The following BMERB1 variants were observed in gnomAD, a reference collection of about 807,000 sequenced individuals.
The protein encoded by BMERB1 is bMERB domain containing 1, also known as bMERB domain-containing protein 1.
A neutral mutation model predicts 23.6 loss-of-function variants in BMERB1; 12 were observed. That is an observed-to-expected ratio of 0.51 (90% CI 0.33 to 0.82). The LOEUF is 0.82. Ranked by LOEUF, BMERB1 falls within the 40% of genes least tolerant of loss-of-function variation. The probability of loss-of-function intolerance (pLI) is 0.03; values close to 1 mark genes in which losing one functional copy is unlikely to be tolerated. For synonymous variants in BMERB1, 122 were observed against 96.6 expected, an observed-to-expected ratio of 1.26 and a Z score of -1.54; for missense variants, 247 against 255.4, an observed-to-expected ratio of 0.97 and a Z score of 0.22.
intron 1 of BMERB1, among the ~76,000 whole-genome samples, chr16:15,475,205 C>G (rs555263817): frequency 1.8e-4 from 27 of 152,260 alleles, no homozygotes; most frequent in Non-Finnish European, 5.9e-5. Flanking sequence ...TGAGTTGACT[C>G]GTACCACTTT....
intron 5 of BMERB1, among the ~76,000 whole-genome samples, chr16:15,586,196 A>G (rs2031134786): frequency 6.6e-6 from 1 of 152,302 alleles, no homozygotes; most frequent in Non-Finnish European, 1.5e-5. Flanking sequence ...AAAAGAGATG[A>G]GAAATATGAA....
intron 2 of BMERB1, among the ~76,000 whole-genome samples, chr16:15,534,302 A>AGG (rs1407197926): frequency 7.3e-6 from 1 of 137,242 alleles, no homozygotes; most frequent in Non-Finnish European, 1.5e-5. Flanking sequence ...AAAAAAAAAA[A>AGG]AAAAAAAAAA....
intron 1 of BMERB1, among the ~76,000 whole-genome samples, chr16:15,455,634 AT>A (rs1259657412): frequency 1.3e-5 from 2 of 151,410 alleles, no homozygotes; most frequent in East Asian, 2.0e-4. Flanking sequence ...ATAATTTTGT[AT>A]TTTTTTAGTA....
intron 1 of BMERB1, among the ~76,000 whole-genome samples, chr16:15,505,243 C>T (rs1462059834): frequency 1.3e-5 from 2 of 152,186 alleles, no homozygotes; most frequent in African/African-American, 4.8e-5. Context: ...GGGATAGGTA[C>T]CCCCAGTGGT....
chr16:15,509,339 G>T (rs1207112130), intron 1 of BMERB1, among the ~76,000 whole-genome samples: 1 of 141,362 alleles, frequency 7.1e-6, no homozygotes, highest in African/African-American at 2.7e-5. Context: ...GGGGGGTGGG[G>T]GGGGAGAGAG....
At chr16:15,584,295 C>T (rs2031086447) in intron 5 of BMERB1, 2 of 413,742 alleles carry the variant, frequency 4.8e-6, no homozygotes, top group Admixed American at 4.0e-5. Context: ...CGCGGTGGCT[C>T]ACGCCTGTAA....
intron 1 of BMERB1, among the ~76,000 whole-genome samples, chr16:15,466,763 A>G (rs1211027606): frequency 1.3e-5 from 2 of 152,178 alleles, no homozygotes; most frequent in East Asian, 1.9e-4. Context: ...CAATTTTATC[A>G]TATATTTAGA....
At chr16:15,527,872 G>T (rs1002760223) in intron 2 of BMERB1, among the ~76,000 whole-genome samples, 9 of 152,042 alleles carry the variant, frequency 5.9e-5, no homozygotes, top group Admixed American at 2.6e-4. Context: ...TCCAAAATTA[G>T]ACATCATTCT....
At chr16:15,482,267 A>G (rs1423607961) in intron 1 of BMERB1, among the ~76,000 whole-genome samples, 1 of 151,906 alleles carries the variant, frequency 6.6e-6, no homozygotes, top group Non-Finnish European at 1.5e-5. Flanking sequence ...TTAAGGCAAC[A>G]TCTTCTCTGT....
rs746284226 is a variant in BMERB1 at position 15,452,333 on chromosome 16, A to AGAGAGGGAGG, written c.106+17579_106+17580insGGAGGGAGAG. On this transcript the variant is annotated intron_variant, in intron 1 of 5. Transcript: ENST00000300006. ...GGAAGGGAGAGAGAGGGAGGGAGGG[A>AGAGAGGGAGG]GAGAGAGAGAGAGAGAGAGAGAAAG... Among the ~76,000 whole-genome samples, 475 of 138,342 alleles carry AGAGAGGGAGG rather than the reference A, an allele frequency of 3.4e-3. 1 individual carries two copies. The highest frequency in any genetic ancestry group is 0.011 in the African/African-American group (401 of 35,770). The allele number at this position is 138,342 out of a possible 152,430, so 90.8% of individuals were successfully genotyped here.
At chr16:15,435,281 AG>A (rs1457184220) in intron 1 of BMERB1, among the ~76,000 whole-genome samples, 1 of 152,034 alleles carries the variant, frequency 6.6e-6, no homozygotes, top group African/African-American at 2.4e-5. Flanking sequence ...TCGGGGTGGG[AG>A]GCTTGGGGCG....
At chr16:15,538,861 T>C (rs1356780330) in intron 2 of BMERB1, among the ~76,000 whole-genome samples, 1 of 152,132 alleles carries the variant, frequency 6.6e-6, no homozygotes, top group East Asian at 1.9e-4. Flanking sequence ...GGGGCCCATG[T>C]TGTAGCTAAA....
intron 2 of BMERB1, among the ~76,000 whole-genome samples, chr16:15,528,601 T>C (rs1267252706): frequency 6.6e-6 from 1 of 151,784 alleles, no homozygotes; most frequent in Non-Finnish European, 1.5e-5. Context: ...GGCCTCCTTT[T>C]AGTCTCCACC....
intron 1 of BMERB1, among the ~76,000 whole-genome samples, chr16:15,508,124 C>A (rs907423050): frequency 6.6e-6 from 1 of 152,144 alleles, no homozygotes. Context: ...CCTCGACTTC[C>A]CCATCTATGA....
At chr16:15,520,048 A>G (rs541444701) in intron 2 of BMERB1, among the ~76,000 whole-genome samples, 11 of 152,080 alleles carry the variant, frequency 7.2e-5, no homozygotes, top group Non-Finnish European at 1.6e-4. Flanking sequence ...CGTCCCCTGC[A>G]TGCATTCACC....
chr16:15,491,551 C>A (rs1037223075), intron 1 of BMERB1, among the ~76,000 whole-genome samples: 1 of 152,168 alleles, frequency 6.6e-6, no homozygotes, highest in African/African-American at 2.4e-5. Flanking sequence ...CCAAACTTTT[C>A]AGTGTGGCCT....
Position 15,550,121 on chromosome 16 carries a change from AG to A in BMERB1, c.231-17861del, listed in dbSNP as rs903576908. On this transcript the variant is annotated intron_variant, in intron 2 of 5. Transcript: ENST00000300006. ...CCTACCACCATTTTTTGTGTTTTTTAGTAGAGACAGGGTTTCACTGTGTTAG... is the reference window on the plus strand; with the variant it reads ...CCTACCACCATTTTTTGTGTTTTTTATAGAGACAGGGTTTCACTGTGTTAG... 8.6e-5 allele frequency among the ~76,000 whole-genome samples: 13 copies of A among 151,842 alleles called. No individual in the cohort carries two copies. In the East Asian group the frequency reaches 2.0e-3, roughly 23 times the overall value.
At chr16:15,489,930 G>A (rs542578548) in intron 1 of BMERB1, among the ~76,000 whole-genome samples, 4 of 151,990 alleles carry the variant, frequency 2.6e-5, no homozygotes, top group East Asian at 3.9e-4. Context: ...GCAGTGGCTC[G>A]ATCTCGGCTG....
chr16:15,568,115 C>T, intron 3 of BMERB1, 59 bp downstream of exon 3: 3 of 1,453,480 alleles, frequency 2.1e-6, no homozygotes, highest in Non-Finnish European at 2.9e-6. Flanking sequence ...CCAGCCTGGC[C>T]CATCTGTACG....
Sources: gnomAD v4.1 joint callset for allele counts (sites outside exome capture counted in the v4.1 genomes callset) on GRCh38, gnomAD v4.1.1 for gene constraint, MANE v1.5 for transcripts, NCBI Gene and HGNC (gene_info 2026-07-23, HGNC 2026-07-21) for gene names.